The following SOX6 variants were observed in gnomAD, a reference collection of about 807,000 sequenced individuals.
SOX6 encodes SRY-box transcription factor 6.
SOX6 carries 11 observed loss-of-function variants against 97.8 expected under a neutral mutation model. The ratio of observed to expected loss-of-function variants is 0.11; its 90% CI spans 0.07 to 0.19. The LOEUF is 0.19. Ranked by LOEUF, SOX6 falls within the 10% of genes least tolerant of loss-of-function variation. The pLI, the probability that SOX6 is intolerant of heterozygous loss-of-function variation, is 1.00. For missense variants in SOX6, 810 were observed against 1,039.5 expected (o/e 0.78, Z 3.04); for synonymous variants, 360 against 371.4 (o/e 0.97, Z 0.35).
At chr11:15,977,724 A>C (rs769186607) in intron 15 of SOX6, among the ~76,000 whole-genome samples, 5 of 152,072 alleles carry the variant, frequency 3.3e-5, no homozygotes, top group African/African-American at 4.8e-5. Flanking sequence ...ACAATGCTGT[A>C]CTTCAAATAG....
At chr11:16,095,847 G>T in intron 9 of SOX6, 149 bp downstream of exon 9, 1 of 903,080 alleles carries the variant, frequency 1.1e-6, no homozygotes, top group Non-Finnish European at 1.7e-6. Flanking sequence ...GGCAAAAGAA[G>T]AGCCTCCTTA....
intron 4 of SOX6, among the ~76,000 whole-genome samples, chr11:16,594,614 G>A (rs73419031): frequency 0.053 from 7,109 of 133,588 alleles, 426 homozygotes; most frequent in African/African-American, 0.15. Context: ...TTAATATGCT[G>A]TTTTCCAAGT....
chr11:15,972,786 T>C lies in SOX6; in HGVS notation c.*23A>G. ...GAGGGGGGTGAAATGTCAGAGTACT[T>C]TAATTCAGCAAACAAAAACTCCTCA... On this transcript the variant is annotated 3_prime_UTR_variant, in exon 16 of 16. Transcript: ENST00000683767. The C allele has an allele frequency of 6.2e-7, 1 of 1,613,896 alleles. No homozygotes were observed. Among genetic ancestry groups the C allele is most frequent in the Non-Finnish European group, 8.5e-7 (1 of 1,179,808 alleles).
intron 6 of SOX6, among the ~76,000 whole-genome samples, chr11:16,132,932 G>C (rs527975783): frequency 6.6e-6 from 1 of 151,934 alleles, no homozygotes; most frequent in African/African-American, 2.4e-5. Context: ...TTCTTTTATA[G>C]TTTTATTTCA....
intron 6 of SOX6, among the ~76,000 whole-genome samples, chr11:16,167,617 C>A (rs1850921202): frequency 6.6e-6 from 1 of 152,166 alleles, no homozygotes; most frequent in Non-Finnish European, 1.5e-5. Context: ...GCCATACTGT[C>A]CCTGATGCTC....
At chr11:15,977,832 C>G (rs1853534366) in intron 15 of SOX6, among the ~76,000 whole-genome samples, 1 of 152,058 alleles carries the variant, frequency 6.6e-6, no homozygotes, top group Non-Finnish European at 1.5e-5. Flanking sequence ...TAACTTTCCT[C>G]AAATATCCAA....
intron 3 of SOX6, among the ~76,000 whole-genome samples, chr11:16,630,001 A>G (rs1848682105): frequency 2.0e-5 from 3 of 151,944 alleles, no homozygotes; most frequent in South Asian, 2.1e-4. Flanking sequence ...TTGTTAATCT[A>G]GCTAATGGTC....
intron 9 of SOX6, among the ~76,000 whole-genome samples, chr11:16,080,036 A>G (rs1404182899): frequency 2.0e-5 from 3 of 151,842 alleles, no homozygotes; most frequent in African/African-American, 4.8e-5. Flanking sequence ...AGCAGGTAAC[A>G]GTTAATATAA....
chr11:16,349,374 T>C (rs918142087), intron 1 of SOX6, among the ~76,000 whole-genome samples: 1 of 152,046 alleles, frequency 6.6e-6, no homozygotes, highest in African/African-American at 2.4e-5. Flanking sequence ...CCCAGCACTT[T>C]GGGAAGCTAA....
At chr11:16,187,065 G>C (rs1851499081) in intron 4 of SOX6, 110 bp from the exon 5 acceptor site, 6 of 1,215,152 alleles carry the variant, frequency 4.9e-6, no homozygotes, top group Non-Finnish European at 6.0e-6. Flanking sequence ...TAAAGATCTG[G>C]GACAATGACT....
intron 4 of SOX6, among the ~76,000 whole-genome samples, chr11:16,557,861 AT>A (rs1377235519): frequency 2.6e-5 from 4 of 151,830 alleles, no homozygotes; most frequent in Non-Finnish European, 5.9e-5. Context: ...TGATTAAAAC[AT>A]TTGATAAGCC....
intron 6 of SOX6, among the ~76,000 whole-genome samples, chr11:16,162,102 G>C (rs2134071206): frequency 6.6e-6 from 1 of 152,228 alleles, no homozygotes; most frequent in South Asian, 2.1e-4. Flanking sequence ...TCAGGATGAT[G>C]GATAGCAACT....
At chr11:16,712,078 TACAC>T (rs58807051) in intron 3 of SOX6, among the ~76,000 whole-genome samples, 11,175 of 139,828 alleles carry the variant, frequency 0.08, 570 homozygotes, top group African/African-American at 0.16. Context: ...TAGTATTCCA[TACAC>T]ACACACACAC....
chr11:16,019,293 T>C (rs959659657), intron 12 of SOX6, among the ~76,000 whole-genome samples: 10 of 152,220 alleles, frequency 6.6e-5, no homozygotes, highest in Middle Eastern at 3.4e-3. Flanking sequence ...TAAGTACACG[T>C]CTGGTCAATG....
chr11:16,373,763 A>G (rs567931971), intron 1 of SOX6, among the ~76,000 whole-genome samples: 54 of 151,252 alleles, frequency 3.6e-4, no homozygotes, highest in Non-Finnish European at 4.6e-4. Context: ...TATGTTCTGA[A>G]CATTATTAGG....
intron 3 of SOX6, among the ~76,000 whole-genome samples, chr11:16,638,215 T>G (rs943721912): frequency 1.3e-5 from 2 of 152,040 alleles, no homozygotes; most frequent in African/African-American, 2.4e-5. Flanking sequence ...TTCACCCATC[T>G]CCCTACAAAG....
intron 4 of SOX6, among the ~76,000 whole-genome samples, chr11:16,514,966 T>C (rs1860946807): frequency 6.6e-6 from 1 of 152,004 alleles, no homozygotes; most frequent in Non-Finnish European, 1.5e-5. Context: ...CTTGGGTTGG[T>C]TCCAAGTCTT....
At chr11:16,514,135 C>T (rs1248254681) in intron 4 of SOX6, among the ~76,000 whole-genome samples, 2 of 150,012 alleles carry the variant, frequency 1.3e-5, no homozygotes, top group African/African-American at 4.9e-5. Context: ...AGAATCGCTT[C>T]AGCCCAGATG....
chr11:16,181,819 T>C (rs1851355670), intron 6 of SOX6, among the ~76,000 whole-genome samples: 1 of 151,778 alleles, frequency 6.6e-6, no homozygotes, highest in South Asian at 2.1e-4. Context: ...AAGAATCTTA[T>C]ATTTCTAAAG....
Sources: allele counts gnomAD v4.1 joint callset (sites outside exome capture counted in the v4.1 genomes callset), GRCh38; gene constraint gnomAD v4.1.1; transcripts MANE v1.5; gene names NCBI Gene and HGNC (gene_info 2026-07-23, HGNC 2026-07-21).